Variants in WNT7B observed in about 807,000 individuals in gnomAD.
WNT7B encodes protein Wnt-7b.
Under a neutral mutation model 38.2 loss-of-function variants are expected in WNT7B, and 19 were observed. The ratio of observed to expected loss-of-function variants is 0.50; its 90% CI spans 0.35 to 0.73. WNT7B has a LOEUF of 0.73. Among genes scored for constraint, WNT7B ranks in the 30% least tolerant of loss-of-function variants. The pLI is 0.01. For missense variants in WNT7B, 423 were observed against 507.9 expected (o/e 0.83, Z 1.61); for synonymous variants, 243 against 209.3 (o/e 1.16, Z -1.39).
At chr22:45,925,978 T>TCCCC in intron 3 of WNT7B, 1 of 946,766 alleles carries the variant, frequency 1.1e-6, no homozygotes, top group Non-Finnish European at 1.3e-6. Context: ...CCCTCCTCCC[T>TCCCC]CCCCTGTCCC....
intron 1 of WNT7B, among the ~76,000 whole-genome samples, chr22:45,969,166 C>T (rs1021962790): frequency 7.2e-5 from 11 of 152,212 alleles, no homozygotes; most frequent in African/African-American, 2.4e-4. Context: ...GCGGTGGAGC[C>T]GGGAAGAGGC....
At chr22:45,960,027 C>G (rs944771888) in intron 1 of WNT7B, among the ~76,000 whole-genome samples, 1 of 152,188 alleles carries the variant, frequency 6.6e-6, no homozygotes, top group African/African-American at 2.4e-5. Context: ...GAAAGGCTTT[C>G]CCCAGCATGC....
Position 45,949,845 on chromosome 22 carries a change from G to A in WNT7B, c.298+75C>T. The stretch of plus-strand genomic sequence containing the variant: ...TGTGTGCAGAACAGCGGCCTAGGCT[G>A]GCCTTCAGTGGGTGGCCTGGCCTAC... On this transcript the variant is annotated intron_variant, in intron 2 of 3. Coordinates refer to ENST00000339464, the MANE Select transcript of WNT7B (RefSeq NM_058238.3). The A allele has an allele frequency of 6.3e-6, 9 of 1,425,732 alleles. No individual in the cohort carries two copies. In the South Asian group the frequency reaches 1.0e-4, roughly 16 times the overall value. The allele number at this position is 1,425,732 out of a possible 1,614,324, so 88.3% of individuals were successfully genotyped here. A position where few individuals can be genotyped will look rare whatever the true frequency, so the allele number is the denominator to read the frequency against.
intron 3 of WNT7B, chr22:45,925,818 C>A (rs548401522): frequency 3.0e-6 from 3 of 985,448 alleles, no homozygotes; most frequent in Admixed American, 6.1e-5. Context: ...GCTGCTCACC[C>A]TCCTCAGATG....
intron 2 of WNT7B, among the ~76,000 whole-genome samples, chr22:45,931,862 G>A (rs907718437): frequency 6.6e-6 from 1 of 152,140 alleles, no homozygotes; most frequent in Admixed American, 6.5e-5. Flanking sequence ...CATGGCTGAT[G>A]GAACCTGGGG....
At chr22:45,930,429 A>AC (rs2146712236) in intron 3 of WNT7B, among the ~76,000 whole-genome samples, 1 of 152,254 alleles carries the variant, frequency 6.6e-6, no homozygotes, top group South Asian at 2.1e-4. Context: ...TTGGCTGGCC[A>AC]CCCTATCTCA....
At chr22:45,932,689 G>A (rs1343794928) in intron 2 of WNT7B, among the ~76,000 whole-genome samples, 1 of 152,156 alleles carries the variant, frequency 6.6e-6, no homozygotes, top group African/African-American at 2.4e-5. Context: ...CCAGCGCCTG[G>A]TCCATGTGGA....
intron 3 of WNT7B, chr22:45,926,193 A>G: frequency 1.0e-6 from 1 of 985,390 alleles, no homozygotes; most frequent in Non-Finnish European, 1.2e-6. Flanking sequence ...AGGGTTCAAG[A>G]ATGTGCCGTT....
chr22:45,938,863 A>C (rs1441032706), intron 2 of WNT7B, among the ~76,000 whole-genome samples: 2 of 152,264 alleles, frequency 1.3e-5, no homozygotes, highest in Admixed American at 1.3e-4. Flanking sequence ...ATGTATCAAC[A>C]TATCACATGG....
chr22:45,930,758 G>A (rs534123662), intron 3 of WNT7B, among the ~76,000 whole-genome samples: 6 of 152,316 alleles, frequency 3.9e-5, no homozygotes, highest in African/African-American at 1.2e-4. Flanking sequence ...GAACGCCAAG[G>A]GCAGGGACAT....
intron 1 of WNT7B, among the ~76,000 whole-genome samples, chr22:45,974,539 A>G (rs1283684736): frequency 6.7e-6 from 1 of 150,062 alleles, no homozygotes; most frequent in Non-Finnish European, 1.5e-5. Flanking sequence ...CCTGCTTGCC[A>G]TTCCACAGGG....
At chr22:45,941,964 G>A (rs1364582439) in intron 2 of WNT7B, among the ~76,000 whole-genome samples, 1 of 152,168 alleles carries the variant, frequency 6.6e-6, no homozygotes, top group African/African-American at 2.4e-5. Flanking sequence ...GGGTGGGGTG[G>A]GGTCCCTGAG....
intron 1 of WNT7B, among the ~76,000 whole-genome samples, chr22:45,956,598 T>A (rs1315151588): frequency 1.3e-5 from 2 of 152,214 alleles, no homozygotes; most frequent in African/African-American, 2.4e-5. Flanking sequence ...AACCCGTGCA[T>A]GTGATCACCC....
At chr22:45,939,897 T>C (rs1402460856) in intron 2 of WNT7B, among the ~76,000 whole-genome samples, 4 of 152,132 alleles carry the variant, frequency 2.6e-5, no homozygotes, top group Middle Eastern at 3.2e-3. Context: ...CCACATATAG[T>C]GTGATTCCAT....
chr22:45,958,099 C>T (rs961521260), intron 1 of WNT7B, among the ~76,000 whole-genome samples: 3 of 152,160 alleles, frequency 2.0e-5, no homozygotes, highest in Non-Finnish European at 2.9e-5. Flanking sequence ...GGCACTCAGG[C>T]GGTGGACAGA....
At chr22:45,952,924 C>T (rs1301775231) in intron 1 of WNT7B, among the ~76,000 whole-genome samples, 2 of 152,240 alleles carry the variant, frequency 1.3e-5, no homozygotes, top group African/African-American at 2.4e-5. Flanking sequence ...CGGAAGACCC[C>T]GCCTCCCAGC....
At chr22:45,961,695 C>A (rs901391359) in intron 1 of WNT7B, among the ~76,000 whole-genome samples, 4 of 152,284 alleles carry the variant, frequency 2.6e-5, no homozygotes, top group Non-Finnish European at 5.9e-5. Flanking sequence ...AGGAATGAGG[C>A]CATCCCTCTG....
At chr22:45,943,290 C>A (rs894136598) in intron 2 of WNT7B, among the ~76,000 whole-genome samples, 2 of 152,266 alleles carry the variant, frequency 1.3e-5, no homozygotes, top group Admixed American at 6.5e-5. Flanking sequence ...CTCTTCCCTG[C>A]CGTTGTCATA....
intron 2 of WNT7B, among the ~76,000 whole-genome samples, chr22:45,945,001 A>G (rs1341693384): frequency 1.3e-5 from 2 of 152,214 alleles, no homozygotes; most frequent in Non-Finnish European, 2.9e-5. Flanking sequence ...AGCACCGCTC[A>G]ACGGAAGGTT....
Sources: allele counts gnomAD v4.1 joint callset (sites outside exome capture counted in the v4.1 genomes callset), GRCh38; gene constraint gnomAD v4.1.1; transcripts MANE v1.5; gene names NCBI Gene and HGNC (gene_info 2026-07-23, HGNC 2026-07-21).